The following TMTC1 variants were observed in gnomAD, a reference collection of about 807,000 sequenced individuals.
The protein encoded by TMTC1 is transmembrane O-mannosyltransferase targeting cadherins 1.
TMTC1 carries 73 observed loss-of-function variants against 104.8 expected under a neutral mutation model. The observed-to-expected ratio is 0.70, with a 90% confidence interval of 0.58 to 0.85. The LOEUF (loss-of-function observed/expected upper bound fraction) is 0.85. Among genes scored for constraint, TMTC1 ranks in the 40% least tolerant of loss-of-function variants. The probability of loss-of-function intolerance (pLI) is 0.00; values close to 1 mark genes in which losing one functional copy is unlikely to be tolerated. For synonymous variants in TMTC1, 434 were observed against 428.7 expected (o/e 1.01, Z -0.15); for missense variants, 1,035 against 1,096.1 (o/e 0.94, Z 0.79).
At chr12:29,653,897 C>G (rs1019999745) in intron 5 of TMTC1, among the ~76,000 whole-genome samples, 1 of 152,180 alleles carries the variant, frequency 6.6e-6, no homozygotes, top group African/African-American at 2.4e-5. Flanking sequence ...TTAACATCAA[C>G]TGTATCAAAG....
intron 5 of TMTC1, among the ~76,000 whole-genome samples, chr12:29,665,028 T>C (rs759471949): frequency 1.3e-5 from 2 of 152,168 alleles, no homozygotes; most frequent in Admixed American, 6.5e-5. Context: ...CCTTTATTAA[T>C]GAATGTTAGA....
At chr12:29,513,302 GTTA>G (rs980524950) in intron 16 of TMTC1, among the ~76,000 whole-genome samples, 3 of 151,746 alleles carry the variant, frequency 2.0e-5, no homozygotes, top group African/African-American at 4.8e-5. Flanking sequence ...CATTTCAGCT[GTTA>G]TTATGAATCA....
chr12:29,721,544 T>C (rs910163840), intron 5 of TMTC1, among the ~76,000 whole-genome samples: 2 of 152,070 alleles, frequency 1.3e-5, no homozygotes, highest in Non-Finnish European at 1.5e-5. Context: ...TGAAAATATA[T>C]ATATAAAGCA....
At chr12:29,653,324 G>A (rs920985946) in intron 5 of TMTC1, among the ~76,000 whole-genome samples, 1 of 152,110 alleles carries the variant, frequency 6.6e-6, no homozygotes, top group Non-Finnish European at 1.5e-5. Context: ...GATGGTGGCA[G>A]TGGGGATGGA....
chr12:29,587,241 C>A (rs1246170202), intron 7 of TMTC1, among the ~76,000 whole-genome samples: 1 of 152,136 alleles, frequency 6.6e-6, no homozygotes, highest in Non-Finnish European at 1.5e-5. Context: ...TTATAGTATT[C>A]TCTGATGGTA....
At chr12:29,732,305 C>T (rs1942564848) in intron 5 of TMTC1, among the ~76,000 whole-genome samples, 1 of 152,076 alleles carries the variant, frequency 6.6e-6, no homozygotes, top group Non-Finnish European at 1.5e-5. Flanking sequence ...GGTGAAAGTA[C>T]AGAGGTAGAT....
chr12:29,631,067 T>C (rs1004914188), intron 6 of TMTC1, among the ~76,000 whole-genome samples: 1 of 152,232 alleles, frequency 6.6e-6, no homozygotes. Context: ...TCTTCTTCTG[T>C]GCAGGGTCTA....
At chr12:29,677,470 A>G (rs1411266508) in intron 5 of TMTC1, among the ~76,000 whole-genome samples, 1 of 152,220 alleles carries the variant, frequency 6.6e-6, no homozygotes, top group Non-Finnish European at 1.5e-5. Flanking sequence ...CAGACAACTA[A>G]ATGATTTAAT....
chr12:29,629,574 C>G (rs747461489), intron 6 of TMTC1, among the ~76,000 whole-genome samples: 3 of 152,150 alleles, frequency 2.0e-5, no homozygotes, highest in Non-Finnish European at 4.4e-5. Context: ...CAGTCTCAGA[C>G]ATTTTGGGCT....
chr12:29,771,411 A>G (rs1243627614), intron 1 of TMTC1, among the ~76,000 whole-genome samples: 1 of 152,186 alleles, frequency 6.6e-6, no homozygotes, highest in African/African-American at 2.4e-5. Context: ...AAAACAGACC[A>G]AACCAGACAG....
chr12:29,656,357 CTTT>C (rs1187413675), intron 5 of TMTC1, among the ~76,000 whole-genome samples: 10 of 129,944 alleles, frequency 7.7e-5, no homozygotes, highest in African/African-American at 1.7e-4. Flanking sequence ...TACACATATA[CTTT>C]TTTTTTTTTT....
chr12:29,594,895 G>C (rs1307201307), intron 7 of TMTC1, among the ~76,000 whole-genome samples: 1 of 152,158 alleles, frequency 6.6e-6, no homozygotes, highest in African/African-American at 2.4e-5. Context: ...GGTTAGAAAC[G>C]ACATGAAGAG....
chr12:29,585,202 AT>A, intron 7 of TMTC1, among the ~76,000 whole-genome samples: 1 of 152,010 alleles, frequency 6.6e-6, no homozygotes, highest in East Asian at 1.9e-4. Flanking sequence ...GATGATGAGC[AT>A]TTTTTCATGT....
At chr12:29,679,584 C>G (rs1429315341) in intron 5 of TMTC1, among the ~76,000 whole-genome samples, 3 of 151,972 alleles carry the variant, frequency 2.0e-5, no homozygotes, top group Admixed American at 1.3e-4. Context: ...AGTGATGATG[C>G]TAATATACTG....
chr12:29,525,550 G>A (rs552815033), intron 11 of TMTC1, among the ~76,000 whole-genome samples: 1 of 150,322 alleles, frequency 6.7e-6, no homozygotes, highest in Non-Finnish European at 1.5e-5. Flanking sequence ...ACCATGAAGG[G>A]TTTGATTGTC....
At chr12:29,517,815 A>G (rs1170493602) in intron 13 of TMTC1, among the ~76,000 whole-genome samples, 2 of 152,070 alleles carry the variant, frequency 1.3e-5, no homozygotes, top group Non-Finnish European at 2.9e-5. Context: ...CCCAGGTTCA[A>G]GTGATTCTCC....
At chr12:29,641,736 C>T (rs1035000787) in intron 5 of TMTC1, among the ~76,000 whole-genome samples, 20 of 152,006 alleles carry the variant, frequency 1.3e-4, no homozygotes, top group African/African-American at 4.4e-4. Flanking sequence ...GGATCCAAAC[C>T]AAGAAGAAAT....
chr12:29,657,694 G>C (rs1265168012), intron 5 of TMTC1, among the ~76,000 whole-genome samples: 1 of 152,122 alleles, frequency 6.6e-6, no homozygotes, highest in Non-Finnish European at 1.5e-5. Flanking sequence ...CAAAGAAAGA[G>C]AAGAAAATAC....
rs1350522574 is a variant in TMTC1, at chr12:29,502,231, A to C, written c.*4615T>G. The stretch of plus-strand genomic sequence containing the variant: ...AACATAATTTGGAAACCAGGAACAA[A>C]AATTTTTAAAAAATCACCTCTCACT... On this transcript the variant is annotated 3_prime_UTR_variant, in exon 18 of 18. Coordinates refer to ENST00000539277, the MANE Select transcript of TMTC1 (RefSeq NM_001193451.2). The C allele has an allele frequency of 6.6e-6, 1 of 152,124 alleles. No homozygotes were observed. The highest frequency in any genetic ancestry group is 1.5e-5 in the Non-Finnish European group (1 of 68,010). The allele number at this position is 152,124 out of a possible 1,614,324, so 9.4% of individuals were successfully genotyped here. A position where few individuals can be genotyped will look rare whatever the true frequency, so the allele number is the denominator to read the frequency against.
Sources: gnomAD v4.1 joint callset for allele counts (sites outside exome capture counted in the v4.1 genomes callset) on GRCh38, gnomAD v4.1.1 for gene constraint, MANE v1.5 for transcripts, NCBI Gene and HGNC (gene_info 2026-07-23, HGNC 2026-07-21) for gene names.